The following ADGRL3 variants were observed in gnomAD, a reference collection of about 807,000 sequenced individuals.
ADGRL3 encodes the protein calcium-independent alpha-latrotoxin receptor 3.
In ADGRL3, 62 loss-of-function variants were observed where a neutral mutation model predicts 153.5. That is an observed-to-expected ratio of 0.40 (90% CI 0.33 to 0.50). ADGRL3 has a LOEUF of 0.50. Ranked by LOEUF, ADGRL3 falls within the 20% of genes least tolerant of loss-of-function variation. The pLI, the probability that ADGRL3 is intolerant of heterozygous loss-of-function variation, is 0.47. For synonymous variants in ADGRL3, 710 were observed against 672.5 expected, an observed-to-expected ratio of 1.06 and a Z score of -0.86; for missense variants, 1,641 against 1,859.4, an observed-to-expected ratio of 0.88 and a Z score of 2.16.
chr4:61,705,110 A>G (rs1475233305), intron 6 of ADGRL3, among the ~76,000 whole-genome samples: 1 of 152,164 alleles, frequency 6.6e-6, no homozygotes, highest in Non-Finnish European at 1.5e-5. Context: ...TAGCATCTAG[A>G]ATGGTGAATC....
rs182805108 is a variant in ADGRL3 at position 61,514,269 on chromosome 4, G to A, written c.56-3046G>A. ...GAGTTTCAGAGCAAAACCTCTTGAC[G>A]TGAACCTTGGGAGATCTGTATGGCA... On this transcript the variant is annotated intron_variant, in intron 3 of 26. Transcript: ENST00000683033. 3.9e-5 allele frequency among the ~76,000 whole-genome samples: 6 copies of A among 152,214 alleles called. No individual in the cohort carries two copies. The Middle Eastern group carries it at 0.01, about 259-fold the overall frequency.
chr4:61,970,911 G>T (rs1266813176), intron 17 of ADGRL3, among the ~76,000 whole-genome samples: 1 of 152,010 alleles, frequency 6.6e-6, no homozygotes, highest in African/African-American at 2.4e-5. Context: ...TTAGATCAAT[G>T]CCAGGAATTT....
intron 21 of ADGRL3, among the ~76,000 whole-genome samples, chr4:62,006,429 T>C (rs562858362): frequency 6.6e-6 from 1 of 152,148 alleles, no homozygotes; most frequent in African/African-American, 2.4e-5. Flanking sequence ...CAGAAAACTG[T>C]GGAGGTTTCA....
At chr4:61,291,710 A>G (rs887155306) in intron 1 of ADGRL3, among the ~76,000 whole-genome samples, 8 of 150,132 alleles carry the variant, frequency 5.3e-5, no homozygotes, top group African/African-American at 2.0e-4. Flanking sequence ...AAGCTGAACA[A>G]TAGTTTCTCA....
chr4:61,546,747 T>C (rs1324402178), intron 4 of ADGRL3, among the ~76,000 whole-genome samples: 1 of 152,150 alleles, frequency 6.6e-6, no homozygotes, highest in Non-Finnish European at 1.5e-5. Context: ...AAATGCAGAC[T>C]AAAGTTAAAA....
At chr4:62,055,836 T>C (rs1736724390) in intron 25 of ADGRL3, among the ~76,000 whole-genome samples, 1 of 151,736 alleles carries the variant, frequency 6.6e-6, no homozygotes, top group African/African-American at 2.4e-5. Context: ...ACAAAATACT[T>C]AAAATAGACA....
intron 1 of ADGRL3, among the ~76,000 whole-genome samples, chr4:61,279,099 G>C (rs1193620156): frequency 2.0e-5 from 3 of 152,098 alleles, no homozygotes; most frequent in Non-Finnish European, 2.9e-5. Flanking sequence ...TGACTGTCTA[G>C]ACAGGTTTCA....
Position 62,078,150 on chromosome 4 carries a change from G to T in ADGRL3, c.*7242G>T. On this transcript the variant is annotated 3_prime_UTR_variant, in exon 27 of 27. Coordinates refer to ENST00000683033, the MANE Select transcript of ADGRL3 (RefSeq NM_001387552.1). Reference sequence around the variant, plus strand: ...ACAAGAATATAGCTATTGTGGCTTTGGTCGCTTAGGATTCTCATATATTTA... The same window carrying T: ...ACAAGAATATAGCTATTGTGGCTTTTGTCGCTTAGGATTCTCATATATTTA... 6.6e-6 allele frequency: 1 copy of T among 151,870 alleles called. No individual in the cohort carries two copies. The highest frequency in any genetic ancestry group is 1.9e-4 in the East Asian group (1 of 5,178). 9.4% of individuals were successfully genotyped at this position (151,870 alleles called of 1,614,324 possible).
Position 61,624,470 on chromosome 4 carries a change from CA to C in ADGRL3, c.473+37031del, listed in dbSNP as rs1017890051. On this transcript the variant is annotated intron_variant, in intron 5 of 26. Transcript: ENST00000683033. Reference sequence around the variant, plus strand: ...AACCTGGAAGAAGAACAGTTTTGGGCAGAATATTCATTCAGCAAATATTTTA... The same window carrying C: ...AACCTGGAAGAAGAACAGTTTTGGGCGAATATTCATTCAGCAAATATTTTA... 5.9e-5 allele frequency among the ~76,000 whole-genome samples: 9 copies of C among 152,066 alleles called. 1 individual carries two copies. Among genetic ancestry groups the C allele is most frequent in the Admixed American group, 5.9e-4 (9 of 15,256 alleles).
intron 1 of ADGRL3, among the ~76,000 whole-genome samples, chr4:61,229,814 G>A (rs1258499526): frequency 3.9e-5 from 6 of 152,074 alleles, no homozygotes; most frequent in Non-Finnish European, 8.8e-5. Flanking sequence ...GGCTGAGGCT[G>A]GAGGATTACT....
intron 11 of ADGRL3, among the ~76,000 whole-genome samples, chr4:61,906,854 CA>C (rs994486584): frequency 4.6e-5 from 7 of 151,832 alleles, no homozygotes; most frequent in African/African-American, 1.7e-4. Flanking sequence ...CTAAGCATCC[CA>C]AGTAGATCAT....
At chr4:61,860,037 G>C (rs575125754) in intron 9 of ADGRL3, among the ~76,000 whole-genome samples, 8 of 152,232 alleles carry the variant, frequency 5.3e-5, no homozygotes, top group African/African-American at 1.9e-4. Flanking sequence ...GAAAAAAATA[G>C]AGATAAAGGT....
At chr4:62,056,406 A>G (rs1453318427) in intron 25 of ADGRL3, among the ~76,000 whole-genome samples, 3 of 151,954 alleles carry the variant, frequency 2.0e-5, no homozygotes, top group Admixed American at 1.3e-4. Flanking sequence ...AAAGAAAATA[A>G]AAGCCATTGG....
rs113386154 is a variant in ADGRL3 at position 61,902,079 on chromosome 4, A to G, written c.1887+6245A>G. ...TATGGAAATAAGATCATTATAGTCT[A>G]CAATAACTGGAGTGAGAGAAGTAAA... is the stretch of plus-strand genomic sequence containing the variant. On this transcript the variant is annotated intron_variant, in intron 11 of 26. Transcript: ENST00000683033. 2.6e-3 allele frequency among the ~76,000 whole-genome samples: 396 copies of G among 152,310 alleles called. 1 individual carries two copies. The highest frequency in any genetic ancestry group is 9.2e-3 in the African/African-American group (382 of 41,580).
chr4:61,615,822 A>T lies in ADGRL3; in HGVS notation c.473+28382A>T, dbSNP rs1283783918. The stretch of plus-strand genomic sequence containing the variant: ...ATATATGGTACTAAAAATTTCAAAT[A>T]CAAGTATACTTGAATTTATTAGTCT... On this transcript the variant is annotated intron_variant, in intron 5 of 26. Coordinates refer to ENST00000683033, the MANE Select transcript of ADGRL3 (RefSeq NM_001387552.1). 2.6e-5 allele frequency among the ~76,000 whole-genome samples: 4 copies of T among 152,086 alleles called. No homozygotes were observed. In the South Asian group the frequency reaches 8.3e-4, roughly 31 times the overall value.
chr4:61,523,058 C>CGTGTGT (rs3075120), intron 4 of ADGRL3, among the ~76,000 whole-genome samples: 7 of 150,452 alleles, frequency 4.7e-5, no homozygotes, highest in East Asian at 2.0e-4. Context: ...GAAAATTGTG[C>CGTGTGT]GTGTGTGTGT....
chr4:61,726,594 G>A (rs189454120), intron 6 of ADGRL3, among the ~76,000 whole-genome samples: 18 of 152,150 alleles, frequency 1.2e-4, no homozygotes, highest in Non-Finnish European at 1.0e-4. Flanking sequence ...TAGGTAACTG[G>A]TTGTGATTTT....
At chr4:61,234,443 A>T (rs551853560) in intron 1 of ADGRL3, among the ~76,000 whole-genome samples, 13 of 152,150 alleles carry the variant, frequency 8.5e-5, no homozygotes, top group Non-Finnish European at 1.9e-4. Context: ...ATTCTGGTAG[A>T]TACAATTCAA....
At chr4:61,681,427 C>G (rs1055110274) in intron 6 of ADGRL3, among the ~76,000 whole-genome samples, 3 of 151,794 alleles carry the variant, frequency 2.0e-5, no homozygotes, top group Non-Finnish European at 4.4e-5. Flanking sequence ...ATTACTTATT[C>G]TAGCAATCTT....
Sources: allele counts gnomAD v4.1 joint callset (sites outside exome capture counted in the v4.1 genomes callset), GRCh38; gene constraint gnomAD v4.1.1; transcripts MANE v1.5; gene names NCBI Gene and HGNC (gene_info 2026-07-23, HGNC 2026-07-21).